Variants in ROBO1 observed in about 807,000 individuals in gnomAD.
The protein encoded by ROBO1 is roundabout guidance receptor 1.
In ROBO1, 149 loss-of-function variants were observed where a neutral mutation model predicts 195.9. The ratio of observed to expected loss-of-function variants is 0.76; its 90% CI spans 0.67 to 0.87. The LOEUF is 0.87. ROBO1 is among the 40% of genes least tolerant of loss of function. ROBO1 has a pLI of 0.00. For synonymous variants in ROBO1, 816 were observed against 733.2 expected (o/e 1.11, Z -1.82); for missense variants, 1,933 against 2,068.3 (o/e 0.93, Z 1.27).
intron 2 of ROBO1, among the ~76,000 whole-genome samples, chr3:79,286,870 T>A (rs2031918985): frequency 6.6e-6 from 1 of 152,224 alleles, no homozygotes; most frequent in African/African-American, 2.4e-5. Context: ...TATATTATTT[T>A]TCAAATCCAC....
chr3:79,325,329 A>G (rs534683222), intron 2 of ROBO1, among the ~76,000 whole-genome samples: 17 of 152,274 alleles, frequency 1.1e-4, no homozygotes, highest in African/African-American at 4.1e-4. Context: ...ATTCCTACAC[A>G]TTGTTTTATT....
At chr3:79,658,000 A>G (rs4856443) in intron 1 of ROBO1, among the ~76,000 whole-genome samples, 84,933 of 151,942 alleles carry the variant, frequency 0.56, 23,938 homozygotes, top group South Asian at 0.67. Context: ...TGAATATAGG[A>G]AAAAGATATA....
At chr3:78,716,588 T>G (rs2108067298) in intron 7 of ROBO1, among the ~76,000 whole-genome samples, 1 of 152,310 alleles carries the variant, frequency 6.6e-6, no homozygotes, top group African/African-American at 2.4e-5. Context: ...CCATATCAGC[T>G]TGATATTGTT....
At chr3:79,699,329 C>T (rs544618932) in intron 1 of ROBO1, among the ~76,000 whole-genome samples, 1 of 151,442 alleles carries the variant, frequency 6.6e-6, no homozygotes, top group Non-Finnish European at 1.5e-5. Context: ...ACAGGGAGCG[C>T]CCCCTACATG....
rs897115800 is a variant in ROBO1, at chr3:78,633,875, T to C, written c.3481+60A>G. 44 of 1,153,414 alleles carry C rather than the reference T, an allele frequency of 3.8e-5. 1 individual carries two copies. Among genetic ancestry groups the C allele is most frequent in the Non-Finnish European group, 5.1e-5 (40 of 778,504 alleles). 71.4% of individuals were successfully genotyped at this position (1,153,414 alleles called of 1,614,324 possible). A position where few individuals can be genotyped will look rare whatever the true frequency, so the allele number is the denominator to read the frequency against. On this transcript the variant is annotated intron_variant, in intron 24 of 30. Transcript: ENST00000464233. The stretch of plus-strand genomic sequence containing the variant: ...ATACGTCAGTCCATTAGCACTCAAT[T>C]TGTAATCTTGGAAAGTACCAGCTTT...
At chr3:78,669,080 AACT>A (rs1707905464) in intron 11 of ROBO1, among the ~76,000 whole-genome samples, 1 of 152,180 alleles carries the variant, frequency 6.6e-6, no homozygotes, top group South Asian at 2.1e-4. Flanking sequence ...TAAAACTTGT[AACT>A]TAAGGCAGTT....
chr3:79,035,388 G>C (rs1372618444), intron 3 of ROBO1, among the ~76,000 whole-genome samples: 1 of 152,108 alleles, frequency 6.6e-6, no homozygotes, highest in Admixed American at 6.6e-5. Flanking sequence ...TGTTAAAATA[G>C]AAAGCTGGCT....
intron 2 of ROBO1, among the ~76,000 whole-genome samples, chr3:79,409,129 CAT>C (rs763266621): frequency 2.6e-5 from 4 of 151,998 alleles, no homozygotes; most frequent in South Asian, 4.2e-4. Flanking sequence ...TTATGGAAAA[CAT>C]GTTAGAAAAT....
intron 1 of ROBO1, among the ~76,000 whole-genome samples, chr3:79,687,706 A>G (rs960452446): frequency 5.3e-5 from 8 of 152,214 alleles, no homozygotes; most frequent in African/African-American, 1.9e-4. Flanking sequence ...TGATCATTAA[A>G]AAGTCAGGAA....
chr3:78,737,188 T>C (rs556186556), intron 5 of ROBO1, among the ~76,000 whole-genome samples: 2 of 152,300 alleles, frequency 1.3e-5, no homozygotes, highest in Admixed American at 1.3e-4. Context: ...CCCCTAGTGA[T>C]TCTGTGGCAA....
intron 11 of ROBO1, among the ~76,000 whole-genome samples, chr3:78,669,879 AACCTTAAATT>A (rs1707962210): frequency 6.6e-6 from 1 of 152,190 alleles, no homozygotes; most frequent in Admixed American, 6.5e-5. Context: ...TCCTCCATAC[AACCTTAAATT>A]ACCTGCCATG....
intron 3 of ROBO1, among the ~76,000 whole-genome samples, chr3:79,081,020 T>C (rs1028828619): frequency 3.3e-5 from 5 of 152,034 alleles, no homozygotes; most frequent in African/African-American, 1.2e-4. Context: ...TCACCTTACA[T>C]GAAAATGCTG....
intron 4 of ROBO1, among the ~76,000 whole-genome samples, chr3:78,826,464 G>A (rs1331296421): frequency 2.6e-5 from 4 of 152,068 alleles, no homozygotes; most frequent in African/African-American, 7.2e-5. Flanking sequence ...GTTCAACTTC[G>A]GTGGAAAAAC....
chr3:79,366,577 C>A (rs114035431), intron 2 of ROBO1, among the ~76,000 whole-genome samples: 1 of 152,096 alleles, frequency 6.6e-6, no homozygotes, highest in African/African-American at 2.4e-5. Flanking sequence ...CCTTACTCAT[C>A]GCCTCTCTTT....
chr3:79,472,709 C>T (rs917887859), intron 2 of ROBO1, among the ~76,000 whole-genome samples: 1 of 152,236 alleles, frequency 6.6e-6, no homozygotes, highest in South Asian at 2.1e-4. Flanking sequence ...CAGATAGAGT[C>T]CTTGCTTGGT....
At chr3:78,983,622 G>A (rs138435559) in intron 3 of ROBO1, among the ~76,000 whole-genome samples, 31 of 152,208 alleles carry the variant, frequency 2.0e-4, no homozygotes, top group African/African-American at 6.7e-4. Flanking sequence ...AATCACACTT[G>A]ACAATATAGA....
At chr3:78,925,547 C>G (rs2039162975) in intron 4 of ROBO1, among the ~76,000 whole-genome samples, 1 of 152,152 alleles carries the variant, frequency 6.6e-6, no homozygotes, top group South Asian at 2.1e-4. Context: ...TTGTACCTTA[C>G]CCTTCAAATA....
intron 10 of ROBO1, among the ~76,000 whole-genome samples, chr3:78,673,338 A>G (rs1029232621): frequency 4.6e-5 from 7 of 150,774 alleles, no homozygotes; most frequent in African/African-American, 1.7e-4. Context: ...TAAAAATAAT[A>G]GTGGTGGAGG....
intron 2 of ROBO1, among the ~76,000 whole-genome samples, chr3:79,521,200 A>G (rs1941193938): frequency 6.6e-6 from 1 of 152,174 alleles, no homozygotes. Flanking sequence ...CCAGGACTAT[A>G]AAGATTATTT....
Sources: allele counts gnomAD v4.1 joint callset (sites outside exome capture counted in the v4.1 genomes callset), GRCh38; gene constraint gnomAD v4.1.1; transcripts MANE v1.5; gene names NCBI Gene and HGNC (gene_info 2026-07-23, HGNC 2026-07-21).